Variants in RMC1 observed in about 807,000 individuals in gnomAD.
RMC1 encodes the protein regulator of MON1-CCZ1.
In RMC1, 44 loss-of-function variants were observed where a neutral mutation model predicts 95.5. That is an observed-to-expected ratio of 0.46 (90% CI 0.36 to 0.59). RMC1 has a LOEUF of 0.59. Among genes scored for constraint, RMC1 ranks in the 20% least tolerant of loss-of-function variants. The pLI is 0.00. For missense variants in RMC1, 705 were observed against 819.6 expected, an observed-to-expected ratio of 0.86 and a Z score of 1.71; for synonymous variants, 320 against 303.6, an observed-to-expected ratio of 1.05 and a Z score of -0.56.
intron 14 of RMC1, chr18:23,528,896 TG>T: frequency 1.3e-5 from 4 of 299,106 alleles, no homozygotes; most frequent in Non-Finnish European, 2.5e-5. Flanking sequence ...TTTTTTTTTT[TG>T]AGACGGAGTT....
intron 12 of RMC1, among the ~76,000 whole-genome samples, chr18:23,524,711 C>T (rs988126596): frequency 6.6e-6 from 1 of 151,906 alleles, no homozygotes; most frequent in Non-Finnish European, 1.5e-5. Flanking sequence ...ATGCCATTCT[C>T]CTGCTTAAGC....
intron 14 of RMC1, chr18:23,528,624 T>G (rs1030104858): frequency 1.3e-5 from 2 of 153,666 alleles, no homozygotes; most frequent in Non-Finnish European, 2.9e-5. Flanking sequence ...TGTCCATTCC[T>G]ACGCTGCCAG....
chr18:23,520,341 T>C, intron 10 of RMC1, 28 bp downstream of exon 10: 1 of 1,551,206 alleles, frequency 6.4e-7, no homozygotes, highest in Non-Finnish European at 8.9e-7. Flanking sequence ...GAGGAGTCTG[T>C]GCTGCCCTTT....
chr18:23,505,030 A>C (rs538275453), intron 2 of RMC1, among the ~76,000 whole-genome samples: 2 of 152,184 alleles, frequency 1.3e-5, no homozygotes, highest in African/African-American at 4.8e-5. Flanking sequence ...TAGTGACTTA[A>C]AAAATTTTAC....
intron 13 of RMC1, 133 bp from the exon 14 acceptor site, chr18:23,527,662 A>AAGT: frequency 5.6e-6 from 1 of 177,416 alleles, no homozygotes; most frequent in South Asian, 9.2e-5. Context: ...CAGGTCTTTA[A>AAGT]AGTAGAGTGT....
At chr18:23,504,052 A>G (rs2145111744) in intron 1 of RMC1, among the ~76,000 whole-genome samples, 1 of 152,280 alleles carries the variant, frequency 6.6e-6, no homozygotes, top group Non-Finnish European at 1.5e-5. Context: ...TTAGACGTCG[A>G]GATTTTCATT....
At chr18:23,520,337 TCTGTGCTGCC>T in intron 10 of RMC1, 24 bp downstream of exon 10, 1 of 1,564,894 alleles carries the variant, frequency 6.4e-7, no homozygotes, top group Non-Finnish European at 8.8e-7. Context: ...TGTAGAGGAG[TCTGTGCTGCC>T]CTTTCACCAT....
At chr18:23,507,923 C>CTTGTAGTATGTCTTGTA (rs2145134657) in intron 3 of RMC1, 62 bp from the exon 4 acceptor site, 6 of 1,488,462 alleles carry the variant, frequency 4.0e-6, no homozygotes, top group Non-Finnish European at 2.8e-6. Context: ...AGTATGCCAA[C>CTTGTAGTATGTCTTGTA]GTAGGTTGGC....
At chr18:23,505,143 CG>C (rs2057681459) in intron 2 of RMC1, among the ~76,000 whole-genome samples, 1 of 152,148 alleles carries the variant, frequency 6.6e-6, no homozygotes, top group Admixed American at 6.5e-5. Context: ...CTGCAACCTC[CG>C]CCTCCCAGGT....
intron 16 of RMC1, 51 bp downstream of exon 16, chr18:23,529,763 A>G (rs1272965684): frequency 5.2e-6 from 8 of 1,530,348 alleles, no homozygotes; most frequent in Non-Finnish European, 5.4e-6. Context: ...ATTTAAAAAA[A>G]AAACACAGTC....
At chr18:23,520,042 A>C (rs1364382110) in intron 9 of RMC1, among the ~76,000 whole-genome samples, 160 bp from the exon 10 acceptor site, 1 of 152,210 alleles carries the variant, frequency 6.6e-6, no homozygotes, top group Non-Finnish European at 1.5e-5. Flanking sequence ...GAGAGTTGTG[A>C]TGTTAATGAC....
chr18:23,506,242 AATATTAT>A (rs1202728162), intron 2 of RMC1: 2 of 150,432 alleles, frequency 1.3e-5, no homozygotes, highest in Non-Finnish European at 2.9e-5. Context: ...GTACACACTT[AATATTAT>A]GCAATATGTG....
intron 14 of RMC1, 185 bp from the exon 15 acceptor site, chr18:23,528,994 C>T (rs1211489040): frequency 3.3e-6 from 3 of 916,412 alleles, no homozygotes; most frequent in Non-Finnish European, 4.7e-6. Context: ...ATTCTCCTGC[C>T]TCAGCCTCCT....
chr18:23,503,568 T>C lies in RMC1; in HGVS notation c.-51T>C. 7.1e-7 allele frequency: 1 copy of C among 1,406,166 alleles called. No homozygotes were observed. Among genetic ancestry groups the C allele is most frequent in the Non-Finnish European group, 9.6e-7 (1 of 1,037,400 alleles). The allele number at this position is 1,406,166 out of a possible 1,614,324, so 87.1% of individuals were successfully genotyped here. ...GGCCGGGCTCCACCGCGCATCCTGCTCCACTCTGGCGACCGCCCCCGGGGC... is the reference window on the plus strand; with the variant it reads ...GGCCGGGCTCCACCGCGCATCCTGCCCCACTCTGGCGACCGCCCCCGGGGC... On this transcript the variant is annotated 5_prime_UTR_variant, in exon 1 of 20. Transcript: ENST00000269221.
Position 23,516,386 on chromosome 18 carries a change from C to G in RMC1, c.616C>G (p.Pro206Ala). 2 of 1,614,242 alleles carry G rather than the reference C, an allele frequency of 1.2e-6. No homozygotes were observed. Among genetic ancestry groups the G allele is most frequent in the Non-Finnish European group, 1.7e-6 (2 of 1,180,042 alleles). ...ACCAGCTGCGCCTAAGTCAACTAAA[C>G]CCAGCCTTTCCGAAAGAGACATCGC... is the stretch of plus-strand genomic sequence containing the variant. ...ELPAAPKSTK[P>A]SLSERDIAMA... The change falls in exon 7 of 20, where the codon CCC becomes GCC. Residue 206 changes from proline to alanine, a missense_variant. Physicochemically the swap from Pro to Ala is conservative, Grantham distance 27. Coordinates refer to ENST00000269221, the MANE Select transcript of RMC1 (RefSeq NM_013326.5).
rs779685728 is a variant in RMC1 at position 23,503,747 on chromosome 18, C to G, written c.102+27C>G. 1.3e-5 allele frequency: 20 copies of G among 1,575,592 alleles called. No homozygotes were observed. In the African/African-American group the frequency reaches 2.3e-4, roughly 18 times the overall value. ...TCCGGCGCGCCCGCGCTTCCTCCCC[C>G]GCGCGGCCCTGCCGGGGTCGTGGGC... On this transcript the variant is annotated intron_variant, in intron 1 of 19. Transcript: ENST00000269221.
At chr18:23,525,110 C>A (rs1036142333) in intron 12 of RMC1, among the ~76,000 whole-genome samples, 8 of 151,366 alleles carry the variant, frequency 5.3e-5, no homozygotes, top group Non-Finnish European at 1.2e-4. Flanking sequence ...CCACGCCCAG[C>A]TAATTTTGTA....
At chr18:23,520,558 C>A (rs568199017) in intron 10 of RMC1, among the ~76,000 whole-genome samples, 1 of 152,318 alleles carries the variant, frequency 6.6e-6, no homozygotes, top group Admixed American at 6.5e-5. Flanking sequence ...CTCCTGGGTT[C>A]AAGTGATTAT....
chr18:23,510,798 T>C (rs952359476), intron 5 of RMC1, among the ~76,000 whole-genome samples: 8 of 152,242 alleles, frequency 5.3e-5, no homozygotes, highest in African/African-American at 1.9e-4. Context: ...CTAGTCAGCA[T>C]AGCCATTATA....
Sources: allele counts gnomAD v4.1 joint callset (sites outside exome capture counted in the v4.1 genomes callset), GRCh38; gene constraint gnomAD v4.1.1; transcripts MANE v1.5; gene names NCBI Gene and HGNC (gene_info 2026-07-23, HGNC 2026-07-21).